The following NCOA3 variants were observed in gnomAD, a reference collection of about 807,000 sequenced individuals.
NCOA3 encodes CBP-interacting protein.
A neutral mutation model predicts 158.8 loss-of-function variants in NCOA3; 51 were observed. The ratio of observed to expected loss-of-function variants is 0.32; its 90% CI spans 0.26 to 0.41. The LOEUF (loss-of-function observed/expected upper bound fraction) is 0.41. Ranked by LOEUF, NCOA3 falls within the 10% of genes least tolerant of loss-of-function variation. The pLI is 1.00. For missense variants in NCOA3, 1,510 were observed against 1,746.6 expected, an observed-to-expected ratio of 0.86 and a Z score of 2.41; for synonymous variants, 537 against 592.4, an observed-to-expected ratio of 0.91 and a Z score of 1.36.
At chr20:47,556,562 ACC>A (rs2085010622) in intron 1 of NCOA3, among the ~76,000 whole-genome samples, 1 of 152,016 alleles carries the variant, frequency 6.6e-6, no homozygotes, top group Non-Finnish European at 1.5e-5. Flanking sequence ...TCACTCTGTC[ACC>A]CAGGCTGTAG....
At chr20:47,613,496 GAAAAA>G (rs11086218) in intron 2 of NCOA3, among the ~76,000 whole-genome samples, 1 of 129,478 alleles carries the variant, frequency 7.7e-6, no homozygotes, top group African/African-American at 2.8e-5. Context: ...GAATTAAATT[GAAAAA>G]AAAAAAAAGG....
chr20:47,559,638 T>C (rs1232367025), intron 1 of NCOA3, among the ~76,000 whole-genome samples: 1 of 152,020 alleles, frequency 6.6e-6, no homozygotes, highest in Non-Finnish European at 1.5e-5. Context: ...CCCAGCACTT[T>C]GGGAGGCCGA....
chr20:47,623,665 G>A (rs2086276237), intron 3 of NCOA3, among the ~76,000 whole-genome samples: 1 of 152,146 alleles, frequency 6.6e-6, no homozygotes, highest in Non-Finnish European at 1.5e-5. Flanking sequence ...GCGCATGCCT[G>A]TAATCCCAGC....
At chr20:47,554,677 G>A (rs199969720) in intron 1 of NCOA3, among the ~76,000 whole-genome samples, 1 of 151,958 alleles carries the variant, frequency 6.6e-6, no homozygotes, top group Non-Finnish European at 1.5e-5. Context: ...TTCAAGGAGA[G>A]CTACAAACCA....
At chr20:47,513,128 C>A (rs1270751052) in intron 1 of NCOA3, among the ~76,000 whole-genome samples, 3 of 152,026 alleles carry the variant, frequency 2.0e-5, no homozygotes, top group African/African-American at 7.3e-5. Context: ...GAGATCCCAC[C>A]ACTGCACTCC....
intron 8 of NCOA3, among the ~76,000 whole-genome samples, chr20:47,632,970 C>T (rs1199443640): frequency 1.3e-5 from 2 of 152,130 alleles, no homozygotes; most frequent in African/African-American, 2.4e-5. Context: ...CGTGAGGCAC[C>T]GTGCTAGGCC....
chr20:47,568,653 C>T (rs1419878897), intron 1 of NCOA3, among the ~76,000 whole-genome samples: 2 of 151,882 alleles, frequency 1.3e-5, no homozygotes, highest in African/African-American at 4.8e-5. Context: ...ATTAACCAGG[C>T]GTGGTGGTGG....
chr20:47,621,241 A>AT (rs1009933627), intron 2 of NCOA3, among the ~76,000 whole-genome samples: 56 of 150,364 alleles, frequency 3.7e-4, no homozygotes, highest in Non-Finnish European at 4.6e-4. Flanking sequence ...TTAAATTTTT[A>AT]TTTTTTTTGT....
intron 2 of NCOA3, among the ~76,000 whole-genome samples, chr20:47,600,118 G>GTC (rs1157552596): frequency 6.7e-6 from 1 of 150,218 alleles, no homozygotes; most frequent in Non-Finnish European, 1.5e-5. Flanking sequence ...CTTTGTGTGT[G>GTC]TGTGTGTGTG....
chr20:47,534,047 G>A (rs2084593745), intron 1 of NCOA3, among the ~76,000 whole-genome samples: 1 of 142,538 alleles, frequency 7.0e-6, no homozygotes, highest in African/African-American at 2.5e-5. Context: ...ATAAGAAGTG[G>A]TCAGATTGTA....
intron 1 of NCOA3, among the ~76,000 whole-genome samples, chr20:47,536,250 C>A (rs1170717531): frequency 6.6e-6 from 1 of 152,200 alleles, no homozygotes; most frequent in Non-Finnish European, 1.5e-5. Context: ...CATATCAAGA[C>A]TACAGGTGTG....
chr20:47,578,248 C>T (rs532269929), intron 1 of NCOA3, among the ~76,000 whole-genome samples: 4 of 152,244 alleles, frequency 2.6e-5, no homozygotes, highest in South Asian at 2.1e-4. Flanking sequence ...TGCAGTGGCG[C>T]GATCTCAGCT....
intron 17 of NCOA3, among the ~76,000 whole-genome samples, chr20:47,646,424 G>C (rs563971341): frequency 3.7e-4 from 57 of 152,250 alleles, no homozygotes; most frequent in Admixed American, 3.3e-3. Context: ...AGCCTGCTTG[G>C]GGGGAAGGGC....
chr20:47,553,667 C>T (rs1215429030), intron 1 of NCOA3, among the ~76,000 whole-genome samples: 10 of 150,106 alleles, frequency 6.7e-5, no homozygotes, highest in East Asian at 5.9e-4. Flanking sequence ...TTTGTCCTTG[C>T]GATAGTTTGT....
intron 1 of NCOA3, among the ~76,000 whole-genome samples, chr20:47,577,530 G>A (rs2085391046): frequency 6.6e-6 from 1 of 152,128 alleles, no homozygotes; most frequent in Admixed American, 6.5e-5. Context: ...TATCCATGGT[G>A]TCTAGCACAA....
At chr20:47,568,347 T>A (rs545109238) in intron 1 of NCOA3, among the ~76,000 whole-genome samples, 25 of 152,132 alleles carry the variant, frequency 1.6e-4, no homozygotes, top group African/African-American at 5.8e-4. Flanking sequence ...GAAAAAAAAA[T>A]ACAGGCATAC....
At chr20:47,551,797 T>G (rs2146157087) in intron 1 of NCOA3, among the ~76,000 whole-genome samples, 1 of 152,370 alleles carries the variant, frequency 6.6e-6, no homozygotes, top group South Asian at 2.1e-4. Flanking sequence ...TTTTATATGG[T>G]TCAATATTTT....
chr20:47,633,763 C>A, intron 9 of NCOA3, 127 bp downstream of exon 9: 3 of 1,075,136 alleles, frequency 2.8e-6, no homozygotes, highest in Non-Finnish European at 4.0e-6. Context: ...TCTGAGTAGC[C>A]AAGACTGCAG....
chr20:47,522,956 C>T (rs1042908310), intron 1 of NCOA3, among the ~76,000 whole-genome samples: 6 of 151,430 alleles, frequency 4.0e-5, no homozygotes, highest in African/African-American at 1.5e-4. Context: ...TTTGGGAGGC[C>T]GAGGTGGGCG....
Sources: gnomAD v4.1 joint callset for allele counts (sites outside exome capture counted in the v4.1 genomes callset) on GRCh38, gnomAD v4.1.1 for gene constraint, MANE v1.5 for transcripts, NCBI Gene and HGNC (gene_info 2026-07-23, HGNC 2026-07-21) for gene names.